COL25A1: variants seen among roughly 807,000 people sequenced by gnomAD.
COL25A1 encodes collagen alpha-1(XXV) chain.
In COL25A1, 103 loss-of-function variants were observed where a neutral mutation model predicts 128.4. That is an observed-to-expected ratio of 0.80 (90% CI 0.68 to 0.94). The LOEUF is 0.94. Ranked by LOEUF, COL25A1 falls within the 40% of genes least tolerant of loss-of-function variation. The probability of loss-of-function intolerance (pLI) is 0.00; values close to 1 mark genes in which losing one functional copy is unlikely to be tolerated. For missense variants in COL25A1, 745 were observed against 840.0 expected, an observed-to-expected ratio of 0.89 and a Z score of 1.40; for synonymous variants, 279 against 277.2, an observed-to-expected ratio of 1.01 and a Z score of -0.06.
chr4:108,934,047 C>T (rs7692933), intron 11 of COL25A1, among the ~76,000 whole-genome samples: 11 of 152,104 alleles, frequency 7.2e-5, no homozygotes, highest in East Asian at 5.8e-4. Context: ...ATATTTATTG[C>T]GGTACTATTC....
intron 6 of COL25A1, among the ~76,000 whole-genome samples, chr4:108,995,725 C>T (rs886956054): frequency 3.9e-5 from 6 of 152,086 alleles, no homozygotes; most frequent in Non-Finnish European, 7.4e-5. Context: ...AGAGAAAGGT[C>T]AGGTTACCCA....
At chr4:108,864,011 A>G (rs886287430) in intron 20 of COL25A1, among the ~76,000 whole-genome samples, 1 of 152,124 alleles carries the variant, frequency 6.6e-6, no homozygotes, top group Non-Finnish European at 1.5e-5. Flanking sequence ...GGGACTTCTC[A>G]GCCTCTATAA....
At chr4:109,288,391 T>C (rs533393079) in intron 3 of COL25A1, among the ~76,000 whole-genome samples, 4 of 152,298 alleles carry the variant, frequency 2.6e-5, no homozygotes, top group African/African-American at 9.6e-5. Context: ...AGCATGGAAT[T>C]GATTTACTCA....
chr4:109,162,893 A>G lies in COL25A1; in HGVS notation c.368-112714T>C, dbSNP rs376865521. 4.6e-5 allele frequency among the ~76,000 whole-genome samples: 7 copies of G among 152,062 alleles called. 1 individual carries two copies. Among genetic ancestry groups the G allele is most frequent in the African/African-American group, 1.7e-4 (7 of 41,456 alleles). On this transcript the variant is annotated intron_variant, in intron 3 of 37. Transcript: ENST00000399132. Reference sequence around the variant, plus strand: ...TTTTAACTAATGTGATTTTTACCTAATTTTTTAAAAAGGGAGCCAGTGGAT... The same window carrying G: ...TTTTAACTAATGTGATTTTTACCTAGTTTTTTAAAAAGGGAGCCAGTGGAT...
chr4:109,077,813 T>G (rs576175904), intron 3 of COL25A1, among the ~76,000 whole-genome samples: 8 of 152,310 alleles, frequency 5.3e-5, no homozygotes, highest in Non-Finnish European at 1.2e-4. Context: ...GAAAGTAAAA[T>G]TTCTCCACAA....
chr4:108,844,680 A>G, intron 29 of COL25A1, 111 bp from the exon 30 acceptor site: 1 of 1,394,904 alleles, frequency 7.2e-7, no homozygotes. Flanking sequence ...GGAGAGGAAG[A>G]AAGATACTAG....
At chr4:109,186,034 A>T (rs1165835294) in intron 3 of COL25A1, among the ~76,000 whole-genome samples, 1 of 152,214 alleles carries the variant, frequency 6.6e-6, no homozygotes, top group Non-Finnish European at 1.5e-5. Flanking sequence ...TCTTTCTATC[A>T]TTTGCTAAAA....
chr4:109,207,673 C>T (rs1456649713), intron 3 of COL25A1, among the ~76,000 whole-genome samples: 1 of 152,118 alleles, frequency 6.6e-6, no homozygotes, highest in Non-Finnish European at 1.5e-5. Context: ...CTACACATTG[C>T]CCCATAATTC....
intron 23 of COL25A1, among the ~76,000 whole-genome samples, chr4:108,860,163 A>G (rs933654461): frequency 3.3e-5 from 5 of 152,022 alleles, no homozygotes; most frequent in Non-Finnish European, 5.9e-5. Context: ...CCAGGCTGGA[A>G]TGCAGTAGCG....
chr4:108,922,084 G>C (rs1194622321), intron 11 of COL25A1, among the ~76,000 whole-genome samples: 1 of 152,066 alleles, frequency 6.6e-6, no homozygotes, highest in Non-Finnish European at 1.5e-5. Context: ...TCTGTCCTCA[G>C]GGATCTTTTG....
At chr4:108,832,629 C>T (rs1733274005) in intron 31 of COL25A1, 196 bp from the exon 32 acceptor site, 3 of 480,960 alleles carry the variant, frequency 6.2e-6, no homozygotes, top group Non-Finnish European at 1.1e-5. Context: ...AAGTATATAA[C>T]TGCATGTTTC....
intron 16 of COL25A1, among the ~76,000 whole-genome samples, chr4:108,892,988 G>T (rs201232820): frequency 6.6e-6 from 1 of 152,164 alleles, no homozygotes; most frequent in Non-Finnish European, 1.5e-5. Flanking sequence ...GGGAAGGCCC[G>T]GCACCAATTA....
At chr4:109,197,193 G>A (rs1776113600) in intron 3 of COL25A1, among the ~76,000 whole-genome samples, 1 of 149,898 alleles carries the variant, frequency 6.7e-6, no homozygotes, top group Non-Finnish European at 1.5e-5. Context: ...AGGTGTGGCG[G>A]TGCATGCCTC....
intron 3 of COL25A1, among the ~76,000 whole-genome samples, chr4:109,260,944 T>C (rs546359726): frequency 1.7e-3 from 257 of 152,298 alleles, no homozygotes; most frequent in Non-Finnish European, 3.1e-3. Flanking sequence ...TATTTCTGTA[T>C]GTAAAAGTAA....
Position 109,014,506 on chromosome 4 carries a change from C to T in COL25A1, c.421-4131G>A, listed in dbSNP as rs867746603. ...CAAGTGACAGACTTTTCCTGTCCATCTTTAATACGTCGCATTCCTGCCATT... is the reference window on the plus strand; with the variant it reads ...CAAGTGACAGACTTTTCCTGTCCATTTTTAATACGTCGCATTCCTGCCATT... On this transcript the variant is annotated intron_variant, in intron 5 of 37. Transcript: ENST00000399132. Among the ~76,000 whole-genome samples, 3 of 152,182 alleles carry T rather than the reference C, an allele frequency of 2.0e-5. No homozygotes were observed. In the South Asian group the frequency reaches 6.2e-4, roughly 31 times the overall value.
chr4:108,940,220 A>G (rs988292897), intron 10 of COL25A1, among the ~76,000 whole-genome samples: 1 of 152,186 alleles, frequency 6.6e-6, no homozygotes, highest in Non-Finnish European at 1.5e-5. Context: ...GGGAATGGGC[A>G]ACTCCAATCA....
chr4:108,853,386 G>A (rs1278381136), intron 24 of COL25A1, among the ~76,000 whole-genome samples: 2 of 53,434 alleles, frequency 3.7e-5, no homozygotes, highest in Admixed American at 2.1e-4. Flanking sequence ...TTGTGCGTGT[G>A]TGTGTGTGCG....
At chr4:109,103,899 G>C (rs774734386) in intron 3 of COL25A1, among the ~76,000 whole-genome samples, 2 of 152,142 alleles carry the variant, frequency 1.3e-5, no homozygotes, top group Admixed American at 1.3e-4. Flanking sequence ...GAAGATGCCA[G>C]AAAATGACTT....
chr4:108,928,653 C>T (rs946339626), intron 11 of COL25A1, among the ~76,000 whole-genome samples: 8 of 152,132 alleles, frequency 5.3e-5, no homozygotes, highest in Non-Finnish European at 1.0e-4. Flanking sequence ...AGCGATCCTC[C>T]TGTCTCAGCC....
Sources: gnomAD v4.1 joint callset for allele counts (sites outside exome capture counted in the v4.1 genomes callset) on GRCh38, gnomAD v4.1.1 for gene constraint, MANE v1.5 for transcripts, NCBI Gene and HGNC (gene_info 2026-07-23, HGNC 2026-07-21) for gene names.